The following SPSB4 variants were observed in gnomAD, a reference collection of about 807,000 sequenced individuals.
The protein encoded by SPSB4 is splA/ryanodine receptor domain and SOCS box containing 4, also known as SPRY domain-containing SOCS box protein 4.
In SPSB4, 21 loss-of-function variants were observed where a neutral mutation model predicts 20.9. The observed-to-expected ratio is 1.01, with a 90% CI of 0.71 to 1.45. The LOEUF (loss-of-function observed/expected upper bound fraction) is 1.45. SPSB4 is among the 40% of genes most tolerant of loss of function. SPSB4 has a pLI of 0.00. For synonymous variants in SPSB4, 207 were observed against 183.8 expected (o/e 1.13, Z -1.02); for missense variants, 399 against 399.2 (o/e 1.00, Z 0.00).
At chr3:141,075,911 A>G (rs1204296145) in intron 2 of SPSB4, among the ~76,000 whole-genome samples, 1 of 144,890 alleles carries the variant, frequency 6.9e-6, no homozygotes, top group Non-Finnish European at 1.5e-5. Flanking sequence ...AAAAAAAAAA[A>G]AAAGCCAGGT....
At chr3:141,075,526 A>G (rs1238004094) in intron 2 of SPSB4, among the ~76,000 whole-genome samples, 1 of 152,100 alleles carries the variant, frequency 6.6e-6, no homozygotes, top group Non-Finnish European at 1.5e-5. Context: ...TGTCAGCAAC[A>G]CTTCTCAAAC....
At chr3:141,090,510 C>A (rs1188641187) in intron 2 of SPSB4, among the ~76,000 whole-genome samples, 1 of 152,018 alleles carries the variant, frequency 6.6e-6, no homozygotes, top group Non-Finnish European at 1.5e-5. Context: ...GCAAAAAAAA[C>A]TTGAAAGAGG....
chr3:141,073,952 A>C (rs981620645), intron 2 of SPSB4, among the ~76,000 whole-genome samples: 2 of 152,230 alleles, frequency 1.3e-5, no homozygotes, highest in African/African-American at 4.8e-5. Context: ...CTCAGTTGAG[A>C]AAAGGCCTCG....
At chr3:141,142,916 A>G (rs778571953) in intron 2 of SPSB4, among the ~76,000 whole-genome samples, 1 of 140,816 alleles carries the variant, frequency 7.1e-6, no homozygotes, top group Non-Finnish European at 1.5e-5. Flanking sequence ...TCCCAGGTTC[A>G]CACCATTCTC....
chr3:141,135,486 TC>T (rs963531347), intron 2 of SPSB4, among the ~76,000 whole-genome samples: 1 of 150,932 alleles, frequency 6.6e-6, no homozygotes, highest in Admixed American at 6.6e-5. Flanking sequence ...CCTAATGATA[TC>T]CCCCCTCCCC....
chr3:141,096,800 G>T (rs746090075), intron 2 of SPSB4, among the ~76,000 whole-genome samples: 5 of 152,122 alleles, frequency 3.3e-5, no homozygotes, highest in Non-Finnish European at 5.9e-5. Context: ...TTAACTTTAT[G>T]ATTTTCTTTC....
At position 141,066,123 on chromosome 3, in the gene SPSB4, G is replaced by T; in HGVS notation, c.19G>T (p.Gly7Trp). Residue 7 changes from glycine (G) to tryptophan (W), a missense_variant, in exon 2 of 3, where the codon GGG (glycine) becomes TGG (tryptophan). Coordinates refer to ENST00000310546, the MANE Select transcript of SPSB4 (RefSeq NM_080862.3). ...GTGAAGCATGGGCCAGAAGCTCTCG[G>T]GGAGCCTCAAGTCAGTGGAGGTGCG... MGQKLS[G>W]SLKSVEVREP... The T allele has an allele frequency of 6.5e-7, 1 of 1,530,244 alleles. No individual in the cohort carries two copies. The highest frequency in any genetic ancestry group is 8.8e-7 in the Non-Finnish European group (1 of 1,141,732). 94.8% of individuals were successfully genotyped at this position (1,530,244 alleles called of 1,614,324 possible).
Position 141,147,520 on chromosome 3 carries a change from T to G in SPSB4, c.*251T>G, listed in dbSNP as rs1439722735. The stretch of plus-strand genomic sequence containing the variant: ...CTTCGGAGCCACAGAGAGCCTGGAG[T>G]CTGCACCTCCTGGAAATCCTGCCAC... On this transcript the variant is annotated 3_prime_UTR_variant, in exon 3 of 3. Transcript: ENST00000310546. 4.0e-6 allele frequency: 2 copies of G among 498,352 alleles called. No individual in the cohort carries two copies. The highest frequency in any genetic ancestry group is 7.1e-6 in the Non-Finnish European group (2 of 282,722). 30.9% of individuals were successfully genotyped at this position (498,352 alleles called of 1,614,324 possible). A position where few individuals can be genotyped will look rare whatever the true frequency, so the allele number is the denominator to read the frequency against.
intron 2 of SPSB4, among the ~76,000 whole-genome samples, chr3:141,070,803 C>T (rs1007187946): frequency 2.6e-5 from 4 of 152,182 alleles, no homozygotes; most frequent in East Asian, 1.9e-4. Flanking sequence ...TTGCTGAAGG[C>T]GACACTACGA....
intron 2 of SPSB4, among the ~76,000 whole-genome samples, chr3:141,075,784 C>T (rs1020209645): frequency 2.0e-5 from 3 of 151,692 alleles, no homozygotes; most frequent in East Asian, 1.9e-4. Flanking sequence ...TTGTGGCTCA[C>T]GCTTGTAATC....
At chr3:141,098,248 T>C (rs1031589001) in intron 2 of SPSB4, among the ~76,000 whole-genome samples, 2 of 152,258 alleles carry the variant, frequency 1.3e-5, no homozygotes, top group African/African-American at 2.4e-5. Context: ...GTTTTAGATG[T>C]TTCTGTTTCG....
intron 2 of SPSB4, among the ~76,000 whole-genome samples, chr3:141,117,675 C>G (rs1372100426): frequency 6.6e-6 from 1 of 152,108 alleles, no homozygotes; most frequent in Non-Finnish European, 1.5e-5. Flanking sequence ...CCCAACAGGC[C>G]CTGGTGTGTG....
At chr3:141,129,404 G>A (rs1452460450) in intron 2 of SPSB4, among the ~76,000 whole-genome samples, 1 of 152,150 alleles carries the variant, frequency 6.6e-6, no homozygotes, top group Non-Finnish European at 1.5e-5. Flanking sequence ...TGGAGCTTGG[G>A]GTTTCTCTGG....
chr3:141,132,089 T>C (rs927665082), intron 2 of SPSB4: 9 of 239,512 alleles, frequency 3.8e-5, no homozygotes, highest in Non-Finnish European at 7.7e-5. Context: ...TTATGAAATT[T>C]TGATGCACTA....
At chr3:141,139,183 G>A (rs1364704744) in intron 2 of SPSB4, among the ~76,000 whole-genome samples, 3 of 151,940 alleles carry the variant, frequency 2.0e-5, no homozygotes, top group African/African-American at 2.4e-5. Flanking sequence ...TTTTCCATTT[G>A]CTTGGTAGAT....
chr3:141,137,887 T>G (rs1040035262), intron 2 of SPSB4, among the ~76,000 whole-genome samples: 1 of 152,224 alleles, frequency 6.6e-6, no homozygotes, highest in Non-Finnish European at 1.5e-5. Context: ...TTCTATTGAT[T>G]GGAATAGTTT....
At chr3:141,076,029 ACC>A (rs1938102337) in intron 2 of SPSB4, among the ~76,000 whole-genome samples, 4 of 152,056 alleles carry the variant, frequency 2.6e-5, no homozygotes, top group Admixed American at 2.6e-4. Context: ...ACTGCACTCC[ACC>A]CTGGGCAACA....
At chr3:141,058,491 GGC>G (rs1166623523) in intron 1 of SPSB4, among the ~76,000 whole-genome samples, 8 of 152,294 alleles carry the variant, frequency 5.3e-5, no homozygotes, top group African/African-American at 1.9e-4. Flanking sequence ...TCAGGATGCT[GGC>G]TGCTTACTGG....
intron 2 of SPSB4, among the ~76,000 whole-genome samples, chr3:141,089,071 G>A (rs1449902777): frequency 6.6e-6 from 1 of 152,224 alleles, no homozygotes; most frequent in African/African-American, 2.4e-5. Context: ...ATTGCAGGAG[G>A]AATTTCAGGC....
Sources: allele counts gnomAD v4.1 joint callset (sites outside exome capture counted in the v4.1 genomes callset), GRCh38; gene constraint gnomAD v4.1.1; transcripts MANE v1.5; gene names NCBI Gene and HGNC (gene_info 2026-07-23, HGNC 2026-07-21).